Variants in ARHGAP10 observed in about 807,000 individuals in gnomAD.
ARHGAP10 encodes the protein Rho GTPase activating protein 10, also known as rho GTPase-activating protein 10.
In ARHGAP10, 87 loss-of-function variants were observed where a neutral mutation model predicts 108.6. The ratio of observed to expected loss-of-function variants is 0.80; its 90% CI spans 0.67 to 0.96. The LOEUF (loss-of-function observed/expected upper bound fraction) is 0.96. ARHGAP10 is among the 40% of genes least tolerant of loss of function. The pLI is 0.00. For synonymous variants in ARHGAP10, 347 were observed against 341.1 expected, an observed-to-expected ratio of 1.02 and a Z score of -0.19; for missense variants, 939 against 954.5, an observed-to-expected ratio of 0.98 and a Z score of 0.21.
chr4:147,868,411 T>TC (rs1436062136), intron 7 of ARHGAP10, among the ~76,000 whole-genome samples: 1 of 151,998 alleles, frequency 6.6e-6, no homozygotes, highest in Non-Finnish European at 1.5e-5. Context: ...TAATTTTTTT[T>TC]CTTTTTGGTA....
Position 147,876,325 on chromosome 4 carries a change from G to A in ARHGAP10, c.832+1175G>A, listed in dbSNP as rs1229064782. On this transcript the variant is annotated intron_variant, in intron 8 of 22. Transcript: ENST00000336498. ...ACTCAAGATAGGGCTGGGCGCGGTGGCTCACACTTGTAATCCCAGCACTCT... is the reference window on the plus strand; with the variant it reads ...ACTCAAGATAGGGCTGGGCGCGGTGACTCACACTTGTAATCCCAGCACTCT... Among the ~76,000 whole-genome samples the A allele has an allele frequency of 2.0e-5, 3 of 152,288 alleles. No homozygotes were observed. The East Asian group carries it at 5.8e-4, about 29-fold the overall frequency.
chr4:148,055,947 C>T (rs1157958232), intron 20 of ARHGAP10, among the ~76,000 whole-genome samples: 1 of 152,150 alleles, frequency 6.6e-6, no homozygotes, highest in African/African-American at 2.4e-5. Flanking sequence ...ACCCCACGTC[C>T]CTTCCAGGCT....
At chr4:147,944,957 G>A (rs1336711780) in intron 14 of ARHGAP10, among the ~76,000 whole-genome samples, 4 of 152,088 alleles carry the variant, frequency 2.6e-5, no homozygotes, top group African/African-American at 9.7e-5. Flanking sequence ...ATCTGTATAC[G>A]TTCTTCATTT....
chr4:148,062,468 A>G (rs1377102711), intron 20 of ARHGAP10, among the ~76,000 whole-genome samples: 1 of 152,202 alleles, frequency 6.6e-6, no homozygotes, highest in Non-Finnish European at 1.5e-5. Flanking sequence ...AGTCGCCTCC[A>G]GTTCTGAGGT....
intron 3 of ARHGAP10, among the ~76,000 whole-genome samples, chr4:147,823,918 A>G (rs977401655): frequency 1.1e-4 from 16 of 152,208 alleles, no homozygotes; most frequent in Non-Finnish European, 7.3e-5. Flanking sequence ...TTAAAAGCTT[A>G]CATTACCTTC....
At chr4:148,045,259 C>T (rs566958976) in intron 19 of ARHGAP10, among the ~76,000 whole-genome samples, 2 of 152,288 alleles carry the variant, frequency 1.3e-5, no homozygotes, top group South Asian at 2.1e-4. Flanking sequence ...TCTCTAACTC[C>T]TGCTTGTCTG....
At chr4:147,939,593 T>A (rs1738091180) in intron 13 of ARHGAP10, among the ~76,000 whole-genome samples, 1 of 152,246 alleles carries the variant, frequency 6.6e-6, no homozygotes, top group Non-Finnish European at 1.5e-5. Flanking sequence ...ATTGAGGCAT[T>A]TCATTTTTGT....
At chr4:147,999,979 G>A (rs1393723752) in intron 18 of ARHGAP10, among the ~76,000 whole-genome samples, 8 of 151,538 alleles carry the variant, frequency 5.3e-5, no homozygotes, top group African/African-American at 1.7e-4. Context: ...CACAACGTGC[G>A]GGTTTGTTAC....
At chr4:147,856,315 A>G (rs1734079695) in intron 4 of ARHGAP10, among the ~76,000 whole-genome samples, 1 of 152,222 alleles carries the variant, frequency 6.6e-6, no homozygotes, top group Admixed American at 6.5e-5. Context: ...TGGTATATCA[A>G]TATTATTTTA....
intron 12 of ARHGAP10, among the ~76,000 whole-genome samples, chr4:147,912,705 G>A (rs76906713): frequency 8.6e-6 from 1 of 116,950 alleles, no homozygotes; most frequent in Non-Finnish European, 1.6e-5. Context: ...ACCCAGTGCA[G>A]TGGTATGATC....
chr4:148,070,247 G>C (rs1730107502), intron 22 of ARHGAP10, among the ~76,000 whole-genome samples: 1 of 152,206 alleles, frequency 6.6e-6, no homozygotes, highest in Admixed American at 6.5e-5. Flanking sequence ...GGAGCCAGGA[G>C]AGGAGTCCTG....
intron 18 of ARHGAP10, among the ~76,000 whole-genome samples, chr4:147,995,753 G>A (rs1014927441): frequency 2.0e-5 from 3 of 151,854 alleles, no homozygotes; most frequent in Non-Finnish European, 4.4e-5. Flanking sequence ...GTCTTGCTCT[G>A]TCACCCAGGC....
intron 19 of ARHGAP10, among the ~76,000 whole-genome samples, chr4:148,046,209 T>G (rs1728875479): frequency 6.6e-6 from 1 of 152,172 alleles, no homozygotes; most frequent in African/African-American, 2.4e-5. Context: ...TATACAAATA[T>G]TATACTAAAC....
intron 18 of ARHGAP10, among the ~76,000 whole-genome samples, chr4:147,983,908 T>C (rs1190152075): frequency 1.3e-5 from 2 of 152,194 alleles, no homozygotes; most frequent in Non-Finnish European, 2.9e-5. Flanking sequence ...TGGTTTCTTC[T>C]CATTTGAAAG....
chr4:148,000,848 T>G (rs1043396370), intron 18 of ARHGAP10, among the ~76,000 whole-genome samples: 2 of 152,210 alleles, frequency 1.3e-5, no homozygotes, highest in African/African-American at 2.4e-5. Context: ...ATGAGTAGAT[T>G]GCAAAAATTT....
intron 13 of ARHGAP10, among the ~76,000 whole-genome samples, chr4:147,923,018 G>A (rs1205135187): frequency 6.6e-6 from 1 of 152,138 alleles, no homozygotes; most frequent in Admixed American, 6.5e-5. Context: ...CACTCAGTAA[G>A]CATTTGCTTT....
chr4:147,855,774 C>T (rs953110645), intron 4 of ARHGAP10, among the ~76,000 whole-genome samples: 12 of 150,690 alleles, frequency 8.0e-5, no homozygotes, highest in Admixed American at 6.0e-4. Flanking sequence ...CTGAGTCTCT[C>T]CTCCTCCATC....
intron 13 of ARHGAP10, among the ~76,000 whole-genome samples, chr4:147,937,052 A>G (rs922453165): frequency 6.6e-6 from 1 of 152,180 alleles, no homozygotes; most frequent in Non-Finnish European, 1.5e-5. Context: ...ATGCTCTTGA[A>G]TCATTCTGAA....
At chr4:147,992,414 T>A (rs1740311506) in intron 18 of ARHGAP10, among the ~76,000 whole-genome samples, 1 of 152,210 alleles carries the variant, frequency 6.6e-6, no homozygotes, top group South Asian at 2.1e-4. Context: ...ATTTTTAAAT[T>A]TAATTTTTTT....
Sources: allele counts gnomAD v4.1 joint callset (sites outside exome capture counted in the v4.1 genomes callset), GRCh38; gene constraint gnomAD v4.1.1; transcripts MANE v1.5; gene names NCBI Gene and HGNC (gene_info 2026-07-23, HGNC 2026-07-21).